SH2D3A: variants seen among roughly 807,000 people sequenced by gnomAD.
The protein encoded by SH2D3A is SH2 domain-containing protein 3A.
Under a neutral mutation model 50.6 loss-of-function variants are expected in SH2D3A, and 46 were observed. The ratio of observed to expected loss-of-function variants is 0.91; its 90% confidence interval spans 0.72 to 1.16. SH2D3A has a LOEUF of 1.16. Ranked by LOEUF, SH2D3A falls within the 50% of genes most tolerant of loss-of-function variation. The probability of loss-of-function intolerance (pLI) is 0.00; values close to 1 mark genes in which losing one functional copy is unlikely to be tolerated. For synonymous variants in SH2D3A, 377 were observed against 348.4 expected (o/e 1.08, Z -0.91); for missense variants, 783 against 786.2 (o/e 1.00, Z 0.05).
chr19:6,753,113 A>G lies in SH2D3A; in HGVS notation c.1570+343T>C, dbSNP rs553884632. On this transcript the variant is annotated intron_variant, in intron 9 of 9. Transcript: ENST00000245908. ...CTTGCCGGGTGGGCTGCCCTAGGAT[A>G]GGACGGAGGAGTCGTTTTGGAGGGA... The G allele has an allele frequency of 5.0e-4, 494 of 984,996 alleles. 1 individual carries two copies. In the African/African-American group the frequency reaches 8.2e-3, roughly 16 times the overall value. 61.0% of individuals were successfully genotyped at this position (984,996 alleles called of 1,614,324 possible). A position where few individuals can be genotyped will look rare whatever the true frequency, so the allele number is the denominator to read the frequency against.
intron 1 of SH2D3A, among the ~76,000 whole-genome samples, chr19:6,766,581 T>C (rs1438595767): frequency 3.3e-5 from 5 of 152,230 alleles, no homozygotes; most frequent in Non-Finnish European, 7.3e-5. Flanking sequence ...TAGGCAGGAC[T>C]CGCTTTTGAC....
At position 6,754,343 on chromosome 19, in the gene SH2D3A, C is replaced by T; in HGVS notation, c.1180G>A (p.Gly394Arg). The change falls in exon 7 of 10, where the codon GGA (glycine) becomes AGA (arginine). Residue 394 changes from glycine (G) to arginine (R), a missense_variant. By Grantham distance (125) the Gly-to-Arg change is moderately radical. Coordinates refer to ENST00000245908, the MANE Select transcript of SH2D3A (RefSeq NM_005490.3). The stretch of plus-strand genomic sequence containing the variant: ...AGCGCCAGCGCCAGCTCTACCAGTC[C>T]CCTCAGTGCGGCTGCGCGCTCCTCC... ...PLEERAAALR[G>R]LVELALALRP... 3 of 1,574,902 alleles carry T rather than the reference C, an allele frequency of 1.9e-6. No individual in the cohort carries two copies. Among genetic ancestry groups the T allele is most frequent in the Non-Finnish European group, 2.6e-6 (3 of 1,166,860 alleles).
intron 1 of SH2D3A, 21 bp from the exon 2 acceptor site, chr19:6,763,837 G>A (rs1970162064): frequency 1.9e-6 from 2 of 1,030,490 alleles, no homozygotes; most frequent in Non-Finnish European, 2.9e-6. Context: ...GGAATAATTA[G>A]CCCTGCTTGA....
At chr19:6,756,717 G>A (rs915366004) in intron 4 of SH2D3A, among the ~76,000 whole-genome samples, 2 of 151,820 alleles carry the variant, frequency 1.3e-5, no homozygotes, top group African/African-American at 4.8e-5. Flanking sequence ...ACAGTGCCTG[G>A]CTCACTCTGA....
At chr19:6,760,371 G>A (rs114814819) in intron 3 of SH2D3A, among the ~76,000 whole-genome samples, 4,838 of 151,430 alleles carry the variant, frequency 0.032, 255 homozygotes, top group African/African-American at 0.11. Flanking sequence ...GTGAGACTTC[G>A]ACTCCAGAGA....
At chr19:6,756,964 G>A (rs1380859495) in intron 4 of SH2D3A, among the ~76,000 whole-genome samples, 3 of 151,878 alleles carry the variant, frequency 2.0e-5, no homozygotes, top group South Asian at 2.1e-4. Flanking sequence ...TCTGCCTCCC[G>A]GGTTCAAGTG....
intron 1 of SH2D3A, among the ~76,000 whole-genome samples, chr19:6,766,245 CAG>C (rs1269762175): frequency 6.6e-6 from 1 of 152,176 alleles, no homozygotes; most frequent in Non-Finnish European, 1.5e-5. Context: ...GCCTCGGTCG[CAG>C]AGTTTCCCAA....
chr19:6,762,696 T>TG (rs537771833), intron 2 of SH2D3A, among the ~76,000 whole-genome samples: 14,949 of 147,782 alleles, frequency 0.1, 862 homozygotes, highest in South Asian at 0.2. Flanking sequence ...TTTTTTTTTT[T>TG]TGTGTAGAGA....
In SH2D3A at chr19:6,753,700, G is replaced by A. The variant is rs1001037304; in HGVS notation, c.1385-59C>T. 2.9e-5 allele frequency: 42 copies of A among 1,438,962 alleles called. No individual in the cohort carries two copies. The African/African-American group carries it at 4.5e-4, about 15-fold the overall frequency. 89.1% of individuals were successfully genotyped at this position (1,438,962 alleles called of 1,614,324 possible). A position where few individuals can be genotyped will look rare whatever the true frequency, so the allele number is the denominator to read the frequency against. On this transcript the variant is annotated intron_variant, in intron 8 of 9. Coordinates refer to ENST00000245908, the MANE Select transcript of SH2D3A (RefSeq NM_005490.3). ...GCTGTAGATGGGGCATAGGGCAGAG[G>A]TGGAACCTAGGACAAATGCAGGGGC...
intron 1 of SH2D3A, among the ~76,000 whole-genome samples, chr19:6,766,890 G>T (rs1464088287): frequency 1.3e-5 from 2 of 152,204 alleles, no homozygotes; most frequent in Non-Finnish European, 1.5e-5. Context: ...GTTAGGCAAA[G>T]ATTTGGAGGA....
Position 6,763,724 on chromosome 19 carries a change from C to T in SH2D3A, c.25G>A (p.Asp9Asn). The change falls in exon 2 of 10, where the codon GAC becomes AAC. Residue 9 changes from aspartate to asparagine, a missense_variant. By Grantham distance (23) the Asp-to-Asn change is conservative. Coordinates refer to ENST00000245908, the MANE Select transcript of SH2D3A (RefSeq NM_005490.3). MQVPQDGE[D>N]LAGQPWYHGL... ...TGGTACCAAGGTTGGCCAGCAAGGT[C>T]TTCTCCATCCTGTGGCACCTGCATG... 1 of 1,612,736 alleles carries T rather than the reference C, an allele frequency of 6.2e-7. No homozygotes were observed.
chr19:6,765,743 G>A (rs56036274), intron 1 of SH2D3A, among the ~76,000 whole-genome samples: 15,652 of 117,408 alleles, frequency 0.13, 945 homozygotes, highest in Middle Eastern at 0.26. Flanking sequence ...GCAAGACTCC[G>A]TCTCAAAAAA....
intron 9 of SH2D3A, 156 bp from the exon 10 acceptor site, chr19:6,752,909 G>A: frequency 1.0e-6 from 1 of 985,408 alleles, no homozygotes; most frequent in Non-Finnish European, 1.2e-6. Context: ...GGGTCAGAGG[G>A]GAGGGGGCTT....
At chr19:6,754,782 T>C (rs766558022) in intron 5 of SH2D3A, 49 bp downstream of exon 5, 50 of 1,613,468 alleles carry the variant, frequency 3.1e-5, no homozygotes, top group Non-Finnish European at 3.3e-5. Context: ...GTAGGCATGG[T>C]TGGGTCTTGC....
intron 3 of SH2D3A, among the ~76,000 whole-genome samples, chr19:6,759,939 G>A (rs1969914480): frequency 6.6e-6 from 1 of 151,978 alleles, no homozygotes; most frequent in Non-Finnish European, 1.5e-5. Context: ...AGAATGTTCG[G>A]GCCTCAAAAG....
rs1398905538 is a variant in SH2D3A at position 6,752,719 on chromosome 19, C to T, written c.1605G>A (p.Leu535=). ...GCAGCCTCCGCACGAAGCCGGTGGT[C>T]AGGGCCTCCCTCAGCTCCGGGTTAG... ...FRPNPELREA[L]TTGFVRRLLW... Residue 535 remains leucine, a synonymous_variant, in exon 10 of 10, where the codon CTG becomes CTA. Coordinates refer to ENST00000245908, the MANE Select transcript of SH2D3A (RefSeq NM_005490.3). The T allele has an allele frequency of 6.4e-7, 1 of 1,552,162 alleles. No individual in the cohort carries two copies. The highest frequency in any genetic ancestry group is 1.4e-5 in the African/African-American group (1 of 73,402).
rs1599577514 is a variant in SH2D3A at position 6,754,116 on chromosome 19, C to T, written c.1320G>A (p.Thr440=). The T allele has an allele frequency of 6.2e-7, 1 of 1,613,654 alleles. No individual in the cohort carries two copies. Among genetic ancestry groups the T allele is most frequent in the Non-Finnish European group, 8.5e-7 (1 of 1,179,828 alleles). ...HTWRQLRRSH[T]EAALAFEQEL... is the part of the protein sequence containing the mutation. ...CCTGCTCAAAGGCCAGCGCAGCCTC[C>T]GTGTGGCTCCTTCGGAGCTGGCGCC... The change falls in exon 8 of 10, where the codon ACG becomes ACA. Residue 440 remains threonine (T), a synonymous_variant. Coordinates refer to ENST00000245908, the MANE Select transcript of SH2D3A (RefSeq NM_005490.3).
intron 9 of SH2D3A, chr19:6,752,974 A>G (rs1969405229): frequency 3.0e-6 from 3 of 984,846 alleles, no homozygotes; most frequent in South Asian, 4.7e-5. Flanking sequence ...CCGCAGTGCA[A>G]TGGGGTGGCC....
At position 6,754,924 on chromosome 19, in the gene SH2D3A, G is replaced by A. The variant is rs1188885838; in HGVS notation, c.888C>T (p.Pro296=). 6.2e-7 allele frequency: 1 copy of A among 1,612,504 alleles called. No homozygotes were observed. The highest frequency in any genetic ancestry group is 1.7e-5 in the Admixed American group (1 of 59,984). The change falls in exon 5 of 10, where the codon CCC becomes CCT. Residue 296 remains proline, a synonymous_variant. Coordinates refer to ENST00000245908, the MANE Select transcript of SH2D3A (RefSeq NM_005490.3). ...GGGTATGCAGGACTTGGGGTTCCAG[G>A]GGCCGATTCTGGGGGCCCAGCAGGC... ...PSCLLGPQNR[P]LEPQVLHTLR...
Sources: allele counts gnomAD v4.1 joint callset (sites outside exome capture counted in the v4.1 genomes callset), GRCh38; gene constraint gnomAD v4.1.1; transcripts MANE v1.5; gene names NCBI Gene and HGNC (gene_info 2026-07-23, HGNC 2026-07-21).